The following PRR29 variants were observed in gnomAD, a reference collection of about 807,000 sequenced individuals.
The protein encoded by PRR29 is proline-rich protein 29.
PRR29 carries 20 observed loss-of-function variants against 25.1 expected under a neutral mutation model. That is an observed-to-expected ratio of 0.80 (90% CI 0.56 to 1.16). The LOEUF is 1.16. PRR29 is among the 50% of genes most tolerant of loss of function. The pLI, the probability that PRR29 is intolerant of heterozygous loss-of-function variation, is 0.00. For synonymous variants in PRR29, 108 were observed against 102.6 expected (o/e 1.05, Z -0.32); for missense variants, 238 against 246.6 (o/e 0.97, Z 0.23).
At position 64,003,846 on chromosome 17, in the gene PRR29, C is replaced by G; in HGVS notation, c.*2085C>G. ...AGTGCAGAGTCTCATTGCCACGGAA[C>G]AGGAAGAGGGTGAGGCTGTCCAGGG... is the stretch of plus-strand genomic sequence containing the variant. On this transcript the variant is annotated 3_prime_UTR_variant, in exon 6 of 6. Transcript: ENST00000412177. 1 of 1,614,226 alleles carries G rather than the reference C, an allele frequency of 6.2e-7. No homozygotes were observed. The highest frequency in any genetic ancestry group is 8.5e-7 in the Non-Finnish European group (1 of 1,180,050).
chr17:64,003,445 TC>T lies in PRR29; in HGVS notation c.*1687del. ...GGTGGCCGAGGAACTAGTTGACCTC[TC>T]CCGACCTCTGGAGCAGTTGAGGTCC... On this transcript the variant is annotated 3_prime_UTR_variant, in exon 6 of 6. Transcript: ENST00000412177. The T allele has an allele frequency of 3.3e-6, 2 of 600,262 alleles. No individual in the cohort carries two copies. The highest frequency in any genetic ancestry group is 4.5e-4 in the Middle Eastern group (1 of 2,244). The allele number at this position is 600,262 out of a possible 1,614,324, so 37.2% of individuals were successfully genotyped here. A position where few individuals can be genotyped will look rare whatever the true frequency, so the allele number is the denominator to read the frequency against.
intron 2 of PRR29, 57 bp from the exon 3 acceptor site, chr17:63,998,911 G>T: frequency 6.7e-7 from 1 of 1,487,514 alleles, no homozygotes; most frequent in Non-Finnish European, 9.1e-7. Flanking sequence ...GGACAGGGGT[G>T]TCAGGGGGAG....
intron 2 of PRR29, 54 bp from the exon 3 acceptor site, chr17:63,998,913 CA>C: frequency 6.7e-7 from 1 of 1,488,224 alleles, no homozygotes; most frequent in Non-Finnish European, 9.0e-7. Context: ...ACAGGGGTGT[CA>C]GGGGGAGGGG....
chr17:63,998,804 A>ACCCCCCCCCC, intron 2 of PRR29, 22 bp downstream of exon 2: 1 of 452,788 alleles, frequency 2.2e-6, no homozygotes, highest in Non-Finnish European at 3.3e-6. Context: ...GGGTCCCCCC[A>ACCCCCCCCCC]CCCCACCCCC....
In PRR29 at chr17:64,001,941, G is replaced by A; in HGVS notation, c.*180G>A. The A allele has an allele frequency of 2.6e-6, 4 of 1,535,108 alleles. No individual in the cohort carries two copies. The highest frequency in any genetic ancestry group is 2.6e-6 in the Non-Finnish European group (3 of 1,146,438). ...ATCAGTCCCTGCCCCACGCCAATGA[G>A]TTCCTGGACGGGCCGGATCTGTGCT... On this transcript the variant is annotated 3_prime_UTR_variant, in exon 6 of 6. Coordinates refer to ENST00000412177, the MANE Select transcript of PRR29 (RefSeq NM_001164257.2).
chr17:64,001,159 GT>G lies in PRR29; in HGVS notation c.320del (p.Val107GlyfsTer10), dbSNP rs1338160327. ...GGACGTGCGGGAGAAAGGGCCTTTG[GT>G]GTTTCACCACCACTACTTGCCCTAT... ...EMDVREKGPL[V>X]FHHHYLPYLM... On this transcript the variant is annotated frameshift_variant, in exon 4 of 6. Coordinates refer to ENST00000412177, the MANE Select transcript of PRR29 (RefSeq NM_001164257.2). LOFTEE classifies it high-confidence loss of function. 1 of 1,537,350 alleles carries G rather than the reference GT, an allele frequency of 6.5e-7. No individual in the cohort carries two copies. The highest frequency in any genetic ancestry group is 1.4e-5 in the African/African-American group (1 of 73,038).
intron 3 of PRR29, among the ~76,000 whole-genome samples, chr17:64,000,554 C>T (rs1366143805): frequency 2.0e-5 from 3 of 151,706 alleles, no homozygotes; most frequent in Non-Finnish European, 2.9e-5. Flanking sequence ...TGGTCTCGAT[C>T]TCCTGACCTT....
chr17:64,004,145 A>C lies in PRR29; in HGVS notation c.*2384A>C. The C allele has an allele frequency of 1.7e-6, 1 of 581,684 alleles. No homozygotes were observed. The highest frequency in any genetic ancestry group is 2.8e-5 in the East Asian group (1 of 35,604). 36.0% of individuals were successfully genotyped at this position (581,684 alleles called of 1,614,324 possible). Reference sequence around the variant, plus strand: ...GAGGATGGAGGCTGGACTGTGTGGTAGTTTTACAGACATGATGGTTTCCGG... The same window carrying C: ...GAGGATGGAGGCTGGACTGTGTGGTCGTTTTACAGACATGATGGTTTCCGG... On this transcript the variant is annotated 3_prime_UTR_variant, in exon 6 of 6. Transcript: ENST00000412177.
Position 64,001,224 on chromosome 17 carries a change from C to G in PRR29, c.384C>G (p.Ala128=). 6.5e-7 allele frequency: 1 copy of G among 1,537,340 alleles called. No homozygotes were observed. Among genetic ancestry groups the G allele is most frequent in the Non-Finnish European group, 8.7e-7 (1 of 1,146,920 alleles). Residue 128 remains alanine, a synonymous_variant, in exon 4 of 6, where the codon GCC becomes GCG. Coordinates refer to ENST00000412177, the MANE Select transcript of PRR29 (RefSeq NM_001164257.2). The stretch of plus-strand genomic sequence containing the variant: ...CGGGTGCCCTGCTGCCCTGGCCAGC[C>G]CCCTTCTTCCCCACCCCTGCTTGTC... ...PSPGALLPWP[A]PFFPTPACQP...
Position 64,003,940 on chromosome 17 carries a change from GT to G in PRR29, c.*2180del. 6.2e-7 allele frequency: 1 copy of G among 1,613,428 alleles called. No individual in the cohort carries two copies. Among genetic ancestry groups the G allele is most frequent in the Non-Finnish European group, 8.5e-7 (1 of 1,179,682 alleles). ...CACAGCCACCAAAGTGGGTTGCAGT[GT>G]CAGGATGACCTGCCTTGGAGGCTCT... On this transcript the variant is annotated 3_prime_UTR_variant, in exon 6 of 6. Coordinates refer to ENST00000412177, the MANE Select transcript of PRR29 (RefSeq NM_001164257.2).
chr17:64,003,090 A>G lies in PRR29; in HGVS notation c.*1329A>G, dbSNP rs983897229. 1.7e-6 allele frequency: 1 copy of G among 598,356 alleles called. No homozygotes were observed. The highest frequency in any genetic ancestry group is 2.8e-5 in the East Asian group (1 of 35,712). The allele number at this position is 598,356 out of a possible 1,614,324, so 37.1% of individuals were successfully genotyped here. On this transcript the variant is annotated 3_prime_UTR_variant, in exon 6 of 6. Transcript: ENST00000412177. ...GAGATGAGTGGTGAATGGTGTCTGC[A>G]TTAAAATTATTATCTGGAAAAAAGG...
In PRR29 at chr17:64,003,083, T is replaced by G; in HGVS notation, c.*1322T>G. On this transcript the variant is annotated 3_prime_UTR_variant, in exon 6 of 6. Transcript: ENST00000412177. ...AGTTGCAGAGATGAGTGGTGAATGGTGTCTGCATTAAAATTATTATCTGGA... is the reference window on the plus strand; with the variant it reads ...AGTTGCAGAGATGAGTGGTGAATGGGGTCTGCATTAAAATTATTATCTGGA... 1 of 609,542 alleles carries G rather than the reference T, an allele frequency of 1.6e-6. No individual in the cohort carries two copies. Among genetic ancestry groups the G allele is most frequent in the Non-Finnish European group, 2.9e-6 (1 of 349,154 alleles). 37.8% of individuals were successfully genotyped at this position (609,542 alleles called of 1,614,324 possible).
chr17:64,001,312 T>C lies in PRR29; in HGVS notation c.470+2T>C. 1 of 1,533,610 alleles carries C rather than the reference T, an allele frequency of 6.5e-7. No individual in the cohort carries two copies. The highest frequency in any genetic ancestry group is 1.4e-5 in the African/African-American group (1 of 73,042). On this transcript the variant is annotated splice_donor_variant, in intron 4 of 5. Coordinates refer to ENST00000412177, the MANE Select transcript of PRR29 (RefSeq NM_001164257.2). LOFTEE classifies it high-confidence loss of function. ...TCCTGCCTCCAGGGAAAGGGAGGTG[T>C]AAGTGAGGCTGGGTGCTGCCAGGGT...
At chr17:63,999,648 G>A (rs115522505) in intron 3 of PRR29, 4,151 of 166,406 alleles carry the variant, frequency 0.025, 198 homozygotes, top group African/African-American at 0.093. Flanking sequence ...CAGGCTGGCA[G>A]GGGCAGAGTC....
intron 5 of PRR29, 35 bp from the exon 6 acceptor site, chr17:64,001,698 A>C: frequency 6.5e-7 from 1 of 1,535,346 alleles, no homozygotes; most frequent in Non-Finnish European, 8.7e-7. Flanking sequence ...CCACTGAGAC[A>C]GGAGGGAGTC....
In PRR29 at chr17:64,003,406, T is replaced by A. The variant is rs1043342975; in HGVS notation, c.*1645T>A. 1 of 558,468 alleles carries A rather than the reference T, an allele frequency of 1.8e-6. No homozygotes were observed. Among genetic ancestry groups the A allele is most frequent in the Non-Finnish European group, 3.2e-6 (1 of 312,916 alleles). 34.6% of individuals were successfully genotyped at this position (558,468 alleles called of 1,614,324 possible). A position where few individuals can be genotyped will look rare whatever the true frequency, so the allele number is the denominator to read the frequency against. ...CCAAGGCCAGGGAGAGCCGTCAAGGTCATGGGGCTTGATGGTGGCCGAGGA... is the reference window on the plus strand; with the variant it reads ...CCAAGGCCAGGGAGAGCCGTCAAGGACATGGGGCTTGATGGTGGCCGAGGA... On this transcript the variant is annotated 3_prime_UTR_variant, in exon 6 of 6. Transcript: ENST00000412177.
chr17:63,999,737 GTC>G, intron 3 of PRR29: 1 of 156,796 alleles, frequency 6.4e-6, no homozygotes, highest in Non-Finnish European at 1.4e-5. Context: ...GCAAGTGGGT[GTC>G]TGTGTGCATG....
Position 64,001,516 on chromosome 17 carries a change from G to T in PRR29, c.520G>T (p.Ala174Ser). 6.6e-7 allele frequency: 1 copy of T among 1,516,420 alleles called. No individual in the cohort carries two copies. The highest frequency in any genetic ancestry group is 8.8e-7 in the Non-Finnish European group (1 of 1,137,516). The allele number at this position is 1,516,420 out of a possible 1,614,324, so 93.9% of individuals were successfully genotyped here. A position where few individuals can be genotyped will look rare whatever the true frequency, so the allele number is the denominator to read the frequency against. ...PPPSATGTVG[A>S]DVPPASDYYD... ...CCCCAGTGCCACAGGGACTGTGGGT[G>T]CTGATGTACCCCCGGCTTCAGGTAG... is the stretch of plus-strand genomic sequence containing the variant. Residue 174 changes from alanine to serine, a missense_variant, in exon 5 of 6, where the codon GCT becomes TCT. Coordinates refer to ENST00000412177, the MANE Select transcript of PRR29 (RefSeq NM_001164257.2).
chr17:64,003,564 G>T lies in PRR29; in HGVS notation c.*1803G>T. 1 of 1,323,722 alleles carries T rather than the reference G, an allele frequency of 7.6e-7. No individual in the cohort carries two copies. The highest frequency in any genetic ancestry group is 1.1e-6 in the Non-Finnish European group (1 of 941,590). The allele number at this position is 1,323,722 out of a possible 1,614,324, so 82.0% of individuals were successfully genotyped here. A position where few individuals can be genotyped will look rare whatever the true frequency, so the allele number is the denominator to read the frequency against. On this transcript the variant is annotated 3_prime_UTR_variant, in exon 6 of 6. Coordinates refer to ENST00000412177, the MANE Select transcript of PRR29 (RefSeq NM_001164257.2). The stretch of plus-strand genomic sequence containing the variant: ...GGGCTCCTGGGTGTTTGCTTCCCAA[G>T]TGGGACTCAAGATTTTTCTTCCCCC...
Sources: allele counts gnomAD v4.1 joint callset (sites outside exome capture counted in the v4.1 genomes callset), GRCh38; gene constraint gnomAD v4.1.1; transcripts MANE v1.5; gene names NCBI Gene and HGNC (gene_info 2026-07-23, HGNC 2026-07-21).